The following LARGE1 variants were observed in gnomAD, a reference collection of about 807,000 sequenced individuals.
LARGE1 encodes the protein LARGE xylosyl- and glucuronyltransferase 1, also known as xylosyl- and glucuronyltransferase LARGE1.
In LARGE1, 43 loss-of-function variants were observed where a neutral mutation model predicts 87.6. That is an observed-to-expected ratio of 0.49 (90% CI 0.38 to 0.63). The LOEUF is 0.63. Ranked by LOEUF, LARGE1 falls within the 30% of genes least tolerant of loss-of-function variation. The pLI is 0.00. For missense variants in LARGE1, 802 were observed against 1,000.2 expected (o/e 0.80, Z 2.67); for synonymous variants, 434 against 394.6 (o/e 1.10, Z -1.18).
At chr22:33,147,256 G>A in the LARGE1 span, among the ~76,000 whole-genome samples, 1 of 152,092 alleles carries the variant, frequency 6.6e-6, no homozygotes, top group Non-Finnish European at 1.5e-5. Context: ...TTTCTTTGAG[G>A]TACATACATC....
At chr22:33,646,780 T>G (rs2080629099) in intron 3 of LARGE1, among the ~76,000 whole-genome samples, 1 of 152,168 alleles carries the variant, frequency 6.6e-6, no homozygotes, top group Non-Finnish European at 1.5e-5. Context: ...CAGGCTGGAG[T>G]GCAATGGCAT....
At chr22:33,765,302 C>T (rs961408218) in intron 1 of LARGE1, among the ~76,000 whole-genome samples, 9 of 152,220 alleles carry the variant, frequency 5.9e-5, no homozygotes, top group African/African-American at 2.2e-4. Flanking sequence ...TTTACTTTAA[C>T]CTAAATCCTT....
chr22:33,152,897 T>A, the LARGE1 span, among the ~76,000 whole-genome samples: 8 of 152,210 alleles, frequency 5.3e-5, no homozygotes, highest in African/African-American at 1.9e-4. Context: ...TCAATTTAGT[T>A]GTTTTCCATT....
chr22:33,650,607 G>T lies in LARGE1; in HGVS notation c.168C>A (p.Ala56=). The part of the protein sequence containing the change: ...ESQAHSPRYT[A]SSQRERESLE... ...GGCTCTCGCGCTCCCGCTGGCTGGA[G>T]GCCGTGTACCTGGGGCTGTGTGCCT... Residue 56 remains alanine (A), a synonymous_variant, in exon 3 of 15, where the codon GCC becomes GCA. Coordinates refer to ENST00000397394, the MANE Select transcript of LARGE1 (RefSeq NM_133642.5). 6.2e-7 allele frequency: 1 copy of T among 1,604,682 alleles called. No homozygotes were observed.
At chr22:33,237,847 C>G (rs1275207515) in intron 11 of LARGE1, among the ~76,000 whole-genome samples, 1 of 152,176 alleles carries the variant, frequency 6.6e-6, no homozygotes, top group Non-Finnish European at 1.5e-5. Context: ...GATGAGATAG[C>G]ATGGTCCATG....
Position 33,437,977 on chromosome 22 carries a change from TC to T in LARGE1, c.788-5713del, listed in dbSNP as rs558992193. Among the ~76,000 whole-genome samples, 130 of 152,106 alleles carry T rather than the reference TC, an allele frequency of 8.5e-4. 1 individual carries two copies. Among genetic ancestry groups the T allele is most frequent in the Non-Finnish European group, 1.5e-3 (100 of 67,978 alleles). The stretch of plus-strand genomic sequence containing the variant: ...CCTTCCCACCGAGTCACCTACCACA[TC>T]CCTTCCAGCACTGCAGCCAGGCCTC... On this transcript the variant is annotated intron_variant, in intron 6 of 14. Transcript: ENST00000397394.
At chr22:33,101,435 C>T in the LARGE1 span, among the ~76,000 whole-genome samples, 2 of 152,222 alleles carry the variant, frequency 1.3e-5, no homozygotes, top group East Asian at 1.9e-4. Flanking sequence ...TTCATGTTAG[C>T]TATTACATTT....
intron 7 of LARGE1, 106 bp downstream of exon 7, chr22:33,432,055 T>C (rs2067098703): frequency 4.7e-6 from 4 of 857,262 alleles, no homozygotes; most frequent in African/African-American, 1.7e-5. Flanking sequence ...ATTCAAGCAA[T>C]CAGGTGGCCT....
intron 9 of LARGE1, among the ~76,000 whole-genome samples, chr22:33,359,730 A>AT (rs1408985792): frequency 2.0e-5 from 3 of 148,012 alleles, no homozygotes; most frequent in African/African-American, 7.5e-5. Flanking sequence ...CGCCCGGCTA[A>AT]TTTTTTTGTA....
At chr22:33,767,942 T>C (rs2084954790) in intron 1 of LARGE1, among the ~76,000 whole-genome samples, 1 of 152,236 alleles carries the variant, frequency 6.6e-6, no homozygotes, top group Non-Finnish European at 1.5e-5. Flanking sequence ...TCGTCTTCAG[T>C]GAACCTTTCT....
intron 6 of LARGE1, among the ~76,000 whole-genome samples, chr22:33,542,589 T>C (rs1462542249): frequency 1.3e-5 from 2 of 149,460 alleles, no homozygotes; most frequent in African/African-American, 5.0e-5. Flanking sequence ...CTTGGATAGG[T>C]ATATAGAACC....
the LARGE1 span, among the ~76,000 whole-genome samples, chr22:33,091,569 A>AATAG: frequency 6.7e-6 from 1 of 149,238 alleles, no homozygotes; most frequent in African/African-American, 2.5e-5. Flanking sequence ...CAAATAAATA[A>AATAG]ATAAATAAAT....
chr22:33,207,637 T>G (rs909168237), intron 11 of LARGE1, among the ~76,000 whole-genome samples: 12 of 151,952 alleles, frequency 7.9e-5, no homozygotes, highest in Admixed American at 2.6e-4. Flanking sequence ...CACCACAGAG[T>G]GAGAGCGTCG....
the LARGE1 span, among the ~76,000 whole-genome samples, chr22:33,075,702 A>G: frequency 6.6e-6 from 1 of 152,240 alleles, no homozygotes; most frequent in Non-Finnish European, 1.5e-5. Context: ...TGCACTGACT[A>G]TTATAGTAAA....
chr22:33,670,670 C>T (rs946678685), intron 2 of LARGE1, among the ~76,000 whole-genome samples: 7 of 152,178 alleles, frequency 4.6e-5, no homozygotes, highest in Non-Finnish European at 8.8e-5. Flanking sequence ...TGTATTTAAA[C>T]ACAGCTGAAT....
intron 11 of LARGE1, among the ~76,000 whole-genome samples, chr22:33,227,010 G>A (rs563192879): frequency 6.6e-6 from 1 of 152,262 alleles, no homozygotes; most frequent in East Asian, 1.9e-4. Flanking sequence ...AGTGTCCAAA[G>A]CATATGCATT....
chr22:33,906,306 T>C (rs1203583836), intron 1 of LARGE1, among the ~76,000 whole-genome samples: 1 of 152,190 alleles, frequency 6.6e-6, no homozygotes, highest in Non-Finnish European at 1.5e-5. Context: ...TTCTTAGAAG[T>C]ATCCACATCT....
At chr22:33,287,968 C>T (rs1326157435) in intron 12 of LARGE1, among the ~76,000 whole-genome samples, 2 of 152,110 alleles carry the variant, frequency 1.3e-5, no homozygotes, top group African/African-American at 2.4e-5. Context: ...ATTTTGAGTC[C>T]TGGGGTTGAT....
chr22:33,516,940 C>T (rs1481906806), intron 6 of LARGE1, among the ~76,000 whole-genome samples: 1 of 152,168 alleles, frequency 6.6e-6, no homozygotes, highest in Admixed American at 6.5e-5. Flanking sequence ...AGTAAGTACT[C>T]AAGGGAACAC....
Sources: gnomAD v4.1 joint callset for allele counts (sites outside exome capture counted in the v4.1 genomes callset) on GRCh38, gnomAD v4.1.1 for gene constraint, MANE v1.5 for transcripts, NCBI Gene and HGNC (gene_info 2026-07-23, HGNC 2026-07-21) for gene names.